Variants in MAMLD1 observed in about 807,000 individuals in gnomAD.
MAMLD1 encodes mastermind-like domain-containing protein 1.
A neutral mutation model predicts 45.0 loss-of-function variants in MAMLD1; 14 were observed. The observed-to-expected ratio is 0.31, with a 90% CI of 0.21 to 0.49. The LOEUF (loss-of-function observed/expected upper bound fraction) is 0.49. MAMLD1 is among the 20% of genes least tolerant of loss of function. The pLI is 0.99. For synonymous variants in MAMLD1, 254 were observed against 247.8 expected (o/e 1.02, Z -0.24); for missense variants, 543 against 603.6 (o/e 0.90, Z 1.05).
chrX:150,511,411 A>G (rs2037894426), intron 7 of MAMLD1, among the ~76,000 whole-genome samples: 1 of 111,950 alleles, frequency 8.9e-6, no homozygotes, highest in East Asian at 2.8e-4. Flanking sequence ...ATTACCGTTC[A>G]GTTGAACAAA....
chrX:150,444,468 G>A lies in MAMLD1; in HGVS notation c.-63-986G>A, dbSNP rs181211493. Among the ~76,000 whole-genome samples, 336 of 111,721 alleles carry A rather than the reference G, an allele frequency of 3.0e-3. 1 individual carries two copies. Among genetic ancestry groups the A allele is most frequent in the Non-Finnish European group, 4.0e-3 (213 of 53,090 alleles). On this transcript the variant is annotated intron_variant, in intron 1 of 7. Transcript: ENST00000370401. ...GGCAGAAACAAAATCCAGAGAACTC[G>A]CCACTGCATCATTGCTCAGGTCCCA...
intron 2 of MAMLD1, among the ~76,000 whole-genome samples, chrX:150,451,695 C>T (rs2035671025): frequency 9.0e-6 from 1 of 110,777 alleles, no homozygotes; most frequent in Non-Finnish European, 1.9e-5. Flanking sequence ...TTTCCCTCCC[C>T]TTCCTTCCTG....
At chrX:150,413,098 C>A (rs2034163729) in intron 1 of MAMLD1, among the ~76,000 whole-genome samples, 1 of 111,485 alleles carries the variant, frequency 9.0e-6, no homozygotes, top group Non-Finnish European at 1.9e-5. Flanking sequence ...TGAGGCATTG[C>A]AAACCTGACT....
rs782770842 is a variant in MAMLD1 at position 150,376,450 on chromosome X, C to G, written c.-64+12920C>G. On this transcript the variant is annotated intron_variant, in intron 1 of 7. Coordinates refer to ENST00000370401, the MANE Select transcript of MAMLD1 (RefSeq NM_005491.5). ...AGCTGAAGAAAAATATCATGCTTGC[C>G]CAGGCTTCCCTGGCAAGCTGCTAGG... Among the ~76,000 whole-genome samples the G allele has an allele frequency of 7.2e-5, 8 of 110,861 alleles. No homozygotes were observed. The South Asian group carries it at 3.1e-3, about 43-fold the overall frequency.
At chrX:150,369,993 G>A (rs1290983157) in intron 1 of MAMLD1, among the ~76,000 whole-genome samples, 1 of 108,266 alleles carries the variant, frequency 9.2e-6, no homozygotes, top group African/African-American at 3.4e-5. Context: ...GAGTTCTTTG[G>A]CAATTATCTT....
At chrX:150,431,054 G>C (rs781876888) in intron 1 of MAMLD1, among the ~76,000 whole-genome samples, 1 of 112,249 alleles carries the variant, frequency 8.9e-6, no homozygotes, top group Non-Finnish European at 1.9e-5. Context: ...TTACTATGTT[G>C]AGTTTTCCAA....
intron 2 of MAMLD1, among the ~76,000 whole-genome samples, chrX:150,461,539 G>A (rs782106142): frequency 1.8e-5 from 2 of 111,958 alleles, no homozygotes; most frequent in African/African-American, 3.2e-5. Flanking sequence ...GAAAAGGGGT[G>A]TTTTCTCGGT....
At chrX:150,491,911 G>A (rs1183001998) in intron 5 of MAMLD1, among the ~76,000 whole-genome samples, 2 of 112,406 alleles carry the variant, frequency 1.8e-5, no homozygotes, top group East Asian at 5.6e-4. Flanking sequence ...GGTTAGTCTA[G>A]CTTCCTCCAG....
intron 1 of MAMLD1, among the ~76,000 whole-genome samples, chrX:150,443,372 G>T (rs1489745131): frequency 1.9e-5 from 2 of 105,371 alleles, no homozygotes; most frequent in African/African-American, 6.9e-5. Flanking sequence ...TCTCTCTGTT[G>T]TTCAGATTGA....
intron 1 of MAMLD1, among the ~76,000 whole-genome samples, chrX:150,385,229 C>T (rs1194193517): frequency 9.2e-6 from 1 of 108,481 alleles, no homozygotes; most frequent in Non-Finnish European, 1.9e-5. Flanking sequence ...GCAGGTTCAT[C>T]CATGTTGTTG....
rs4828644 is a variant in MAMLD1 at position 150,427,251 on chromosome X, T to A, written c.-63-18203T>A. Among the ~76,000 whole-genome samples the A allele has an allele frequency of 9.1e-3, 1,024 of 112,272 alleles. 39 individuals carry two copies. Among genetic ancestry groups the A allele is most frequent in the Admixed American group, 0.079 (834 of 10,549 alleles). On this transcript the variant is annotated intron_variant, in intron 1 of 7. Coordinates refer to ENST00000370401, the MANE Select transcript of MAMLD1 (RefSeq NM_005491.5). The stretch of plus-strand genomic sequence containing the variant: ...TTATGAAGTACTGGGAGTTAGAATG[T>A]CAACATATTAATTTGGAGGACATAA...
intron 2 of MAMLD1, among the ~76,000 whole-genome samples, chrX:150,462,320 T>C (rs181207807): frequency 0.02 from 2,288 of 111,853 alleles, 69 homozygotes; most frequent in African/African-American, 0.07. Flanking sequence ...TTGGTTTGGG[T>C]TCCATATGAC....
At chrX:150,432,431 T>C (rs2034986359) in intron 1 of MAMLD1, among the ~76,000 whole-genome samples, 2 of 112,049 alleles carry the variant, frequency 1.8e-5, no homozygotes, top group Non-Finnish European at 3.8e-5. Context: ...ATAGGTCTTA[T>C]TTGTCAATTT....
intron 1 of MAMLD1, among the ~76,000 whole-genome samples, chrX:150,442,337 T>C (rs1179796688): frequency 9.0e-6 from 1 of 111,704 alleles, no homozygotes; most frequent in Non-Finnish European, 1.9e-5. Context: ...GTTTTCTGTT[T>C]GTTCTCTGGT....
intron 1 of MAMLD1, among the ~76,000 whole-genome samples, chrX:150,418,112 C>G (rs1557403186): frequency 9.0e-6 from 1 of 111,579 alleles, no homozygotes; most frequent in Non-Finnish European, 1.9e-5. Flanking sequence ...GCCACAATTT[C>G]AGCTCCTGTT....
chrX:150,470,581 C>G lies in MAMLD1; in HGVS notation c.1008C>G (p.Leu336=). 2 of 1,211,845 alleles carry G rather than the reference C, an allele frequency of 1.7e-6. No homozygotes were observed. The highest frequency in any genetic ancestry group is 2.2e-6 in the Non-Finnish European group (2 of 895,488). ...GGTCTGGTCTGCCTCCTCCAGGACT[C>G]TCTCCACCTTACCGCCCAGTGCCAT... is the stretch of plus-strand genomic sequence containing the variant. ...PSWSGLPPPG[L]SPPYRPVPSP... Residue 336 remains leucine, a synonymous_variant, in exon 4 of 8, where the codon CTC becomes CTG. Transcript: ENST00000370401.
intron 5 of MAMLD1, among the ~76,000 whole-genome samples, chrX:150,490,460 T>C (rs1410398957): frequency 8.9e-6 from 1 of 112,500 alleles, no homozygotes; most frequent in Non-Finnish European, 1.9e-5. Flanking sequence ...ATGAATTAGC[T>C]TTTAGGCTTT....
At chrX:150,395,987 T>A (rs1299801097) in intron 1 of MAMLD1, among the ~76,000 whole-genome samples, 1 of 108,071 alleles carries the variant, frequency 9.3e-6, no homozygotes, top group South Asian at 4.0e-4. Context: ...CTTTTTTTTT[T>A]CTTTTTTCTT....
Position 150,471,448 on chromosome X carries a change from G to A in MAMLD1, c.1875G>A (p.Gln625=), listed in dbSNP as rs782372263. The change falls in exon 4 of 8, where the codon CAG becomes CAA. Residue 625 remains glutamine (Q), a synonymous_variant. Coordinates refer to ENST00000370401, the MANE Select transcript of MAMLD1 (RefSeq NM_005491.5). ...TGATGCAGCAACCCCAGCGTTTTCA[G>A]CGATCAGTGGCCTCAGATTCCATGC... The part of the protein sequence containing the change: ...QQMMQQPQRF[Q]RSVASDSMPA... The A allele has an allele frequency of 4.0e-5, 49 of 1,209,961 alleles. 1 individual carries two copies. In the Admixed American group the frequency reaches 1.1e-3, roughly 26 times the overall value.
Sources: gnomAD v4.1 joint callset for allele counts (sites outside exome capture counted in the v4.1 genomes callset) on GRCh38, gnomAD v4.1.1 for gene constraint, MANE v1.5 for transcripts, NCBI Gene and HGNC (gene_info 2026-07-23, HGNC 2026-07-21) for gene names.